Variants in TFCP2 observed in about 807,000 individuals in gnomAD.
TFCP2 encodes the protein alpha-globin transcription factor CP2.
A neutral mutation model predicts 73.4 loss-of-function variants in TFCP2; 33 were observed. The ratio of observed to expected loss-of-function variants is 0.45; its 90% CI spans 0.34 to 0.60. The LOEUF (loss-of-function observed/expected upper bound fraction) is 0.60, where lower values mean the gene tolerates loss of function less well. TFCP2 is among the 20% of genes least tolerant of loss of function. The pLI is 0.01. For missense variants in TFCP2, 352 were observed against 604.0 expected (o/e 0.58, Z 4.37); for synonymous variants, 193 against 211.6 (o/e 0.91, Z 0.76).
intron 1 of TFCP2, among the ~76,000 whole-genome samples, chr12:51,151,339 G>A (rs548583539): frequency 6.6e-6 from 1 of 152,302 alleles, no homozygotes; most frequent in South Asian, 2.1e-4. Flanking sequence ...TTTAAAGAAA[G>A]TGATCATATA....
chr12:51,131,113 G>A (rs1052449474), intron 1 of TFCP2, among the ~76,000 whole-genome samples: 57 of 150,900 alleles, frequency 3.8e-4, no homozygotes, highest in Admixed American at 3.8e-3. Context: ...GCGGATCACG[G>A]GGTCAGGAGA....
At position 51,117,664 on chromosome 12, in the gene TFCP2, GT is replaced by G; in HGVS notation, c.351+6del. On this transcript the variant is annotated splice_donor_region_variant and intron_variant, in intron 3 of 14. Transcript: ENST00000257915. Reference sequence around the variant, plus strand: ...TATTGTACAGAAGAATGATTTATTCGTTTTACCTTCACCAATTTGCCATTAA... The same window carrying G: ...TATTGTACAGAAGAATGATTTATTCGTTTACCTTCACCAATTTGCCATTAA... 3.7e-6 allele frequency: 6 copies of G among 1,604,170 alleles called. No homozygotes were observed. The highest frequency in any genetic ancestry group is 5.1e-6 in the Non-Finnish European group (6 of 1,172,542).
intron 6 of TFCP2, among the ~76,000 whole-genome samples, 196 bp from the exon 7 acceptor site, chr12:51,107,542 T>C (rs1425443896): frequency 1.3e-5 from 2 of 152,156 alleles, no homozygotes; most frequent in Non-Finnish European, 2.9e-5. Context: ...ATCAGATCTA[T>C]AGCTACTGAC....
chr12:51,155,016 T>C (rs1941508922), intron 1 of TFCP2, among the ~76,000 whole-genome samples: 1 of 152,084 alleles, frequency 6.6e-6, no homozygotes, highest in South Asian at 2.1e-4. Context: ...CCATCCTCAA[T>C]GTGGGAGGGC....
chr12:51,095,817 A>C (rs1251898732), intron 14 of TFCP2, among the ~76,000 whole-genome samples, 172 bp downstream of exon 14: 8 of 150,268 alleles, frequency 5.3e-5, no homozygotes, highest in African/African-American at 1.9e-4. Context: ...CTGTTTCAAA[A>C]AAAAAAAAAA....
At chr12:51,145,667 G>GTTA (rs1941283798) in intron 1 of TFCP2, among the ~76,000 whole-genome samples, 2 of 151,180 alleles carry the variant, frequency 1.3e-5, no homozygotes, top group African/African-American at 4.8e-5. Context: ...AGAACTTTAG[G>GTTA]CCAGGCATGG....
chr12:51,156,343 AG>A (rs66703823), intron 1 of TFCP2, among the ~76,000 whole-genome samples: 35 of 150,208 alleles, frequency 2.3e-4, no homozygotes, highest in East Asian at 1.8e-3. Context: ...AGAGGAAGCA[AG>A]GGGGGGGGAG....
chr12:51,172,159 C>A (rs1453333798), intron 1 of TFCP2, 142 bp downstream of exon 1: 6 of 1,215,002 alleles, frequency 4.9e-6, no homozygotes, highest in African/African-American at 4.6e-5. Flanking sequence ...CTACTCAAAG[C>A]GACAAAAGAA....
In TFCP2 at chr12:51,107,291, G is replaced by A; in HGVS notation, c.773C>T (p.Thr258Ile). 6.2e-7 allele frequency: 1 copy of A among 1,613,310 alleles called. No homozygotes were observed. Among genetic ancestry groups the A allele is most frequent in the Non-Finnish European group, 8.5e-7 (1 of 1,179,860 alleles). ...CTGATATTTCTCCTTTTCATGAGGT[G>A]TTCGTTTCTCCATTTTTTCCCTATC... ...KTDREKMEKR[T>I]PHEKEKYQPS... Residue 258 changes from threonine (T) to isoleucine (I), a missense_variant, in exon 7 of 15, where the codon ACA (threonine) becomes ATA (isoleucine). Around this residue, in one of 6 missense-constraint regions of TFCP2, gnomAD observed 47 missense variants for 89.1 expected, o/e 0.53. Transcript: ENST00000257915.
chr12:51,128,293 A>T (rs1940857219), intron 1 of TFCP2, among the ~76,000 whole-genome samples: 1 of 152,134 alleles, frequency 6.6e-6, no homozygotes, highest in Non-Finnish European at 1.5e-5. Flanking sequence ...GACGTGCAGG[A>T]CAAGCAAGAC....
intron 1 of TFCP2, chr12:51,157,003 T>C (rs1565577816): frequency 7.8e-6 from 1 of 128,306 alleles, no homozygotes; most frequent in African/African-American, 2.9e-5. Flanking sequence ...TAGTCTATTA[T>C]AATCTCTTTT....
intron 1 of TFCP2, among the ~76,000 whole-genome samples, chr12:51,122,361 T>A (rs1360093478): frequency 2.0e-5 from 3 of 148,662 alleles, no homozygotes; most frequent in Non-Finnish European, 4.4e-5. Flanking sequence ...TGGGTTCAAG[T>A]GATTCTCCTG....
chr12:51,143,176 T>C (rs527263740), intron 1 of TFCP2, among the ~76,000 whole-genome samples: 6 of 152,082 alleles, frequency 3.9e-5, no homozygotes, highest in African/African-American at 1.4e-4. Context: ...CTCCCAAATG[T>C]GTCTACTAGG....
Position 51,143,501 on chromosome 12 carries a change from C to T in TFCP2, c.123-24729G>A, listed in dbSNP as rs375079261. Among the ~76,000 whole-genome samples the T allele has an allele frequency of 6.6e-5, 10 of 151,820 alleles. 2 individuals carry two copies. The South Asian group carries it at 1.3e-3, about 19-fold the overall frequency. On this transcript the variant is annotated intron_variant, in intron 1 of 14. Coordinates refer to ENST00000257915, the MANE Select transcript of TFCP2 (RefSeq NM_005653.5). The stretch of plus-strand genomic sequence containing the variant: ...AGAGGATAGAAATTTAGAGGACAGG[C>T]TCTGGAGGTAAGCTACTAGAATTTA...
At chr12:51,109,553 A>G (rs188944990) in intron 5 of TFCP2, among the ~76,000 whole-genome samples, 2 of 152,342 alleles carry the variant, frequency 1.3e-5, no homozygotes, top group East Asian at 3.9e-4. Flanking sequence ...CAGAGCTAGC[A>G]AAAGAGAAAT....
chr12:51,098,864 A>G lies in TFCP2; in HGVS notation c.1331T>C (p.Ile444Thr). ...ELTAVELTEKIAQLFSISPCQ... is the reference protein window; with the variant it reads ...ELTAVELTEKTAQLFSISPCQ... Reference sequence around the variant, plus strand: ...AGGGGAAATGCTGAAAAGCTGAGCAATTTTTTCTGTCAATTCAACAGCTGT... The same window carrying G: ...AGGGGAAATGCTGAAAAGCTGAGCAGTTTTTTCTGTCAATTCAACAGCTGT... Residue 444 changes from isoleucine (I) to threonine (T), a missense_variant, in exon 13 of 15, where the codon ATT becomes ACT. Transcript: ENST00000257915. 3 of 1,614,078 alleles carry G rather than the reference A, an allele frequency of 1.9e-6. No individual in the cohort carries two copies. The highest frequency in any genetic ancestry group is 2.5e-6 in the Non-Finnish European group (3 of 1,180,028).
At chr12:51,096,910 G>A (rs1214781545) in intron 13 of TFCP2, among the ~76,000 whole-genome samples, 4 of 151,734 alleles carry the variant, frequency 2.6e-5, no homozygotes, top group Admixed American at 6.6e-5. Flanking sequence ...GGTAGGGAAC[G>A]AAACAATTTC....
At chr12:51,153,983 T>C (rs1405016535) in intron 1 of TFCP2, among the ~76,000 whole-genome samples, 1 of 152,228 alleles carries the variant, frequency 6.6e-6, no homozygotes, top group Non-Finnish European at 1.5e-5. Flanking sequence ...CCATTTTACA[T>C]TGCCACCAGC....
chr12:51,164,925 T>C (rs1000312094), intron 1 of TFCP2, among the ~76,000 whole-genome samples: 1 of 152,218 alleles, frequency 6.6e-6, no homozygotes, highest in Admixed American at 6.5e-5. Context: ...CATGGCTGCA[T>C]TGGCAAATTC....
Sources: gnomAD v4.1 joint callset for allele counts (sites outside exome capture counted in the v4.1 genomes callset) on GRCh38, gnomAD v4.1.1 for gene constraint, gnomAD v4.1.1 regional missense constraint, MANE v1.5 for transcripts, NCBI Gene and HGNC (gene_info 2026-07-23, HGNC 2026-07-21) for gene names.